Variants in KCNMB2 observed in about 807,000 individuals in gnomAD.
KCNMB2 encodes the protein calcium-activated potassium channel subunit beta-2.
In KCNMB2, 9 loss-of-function variants were observed where a neutral mutation model predicts 24.5. That is an observed-to-expected ratio of 0.37 (90% CI 0.22 to 0.64). KCNMB2 has a LOEUF of 0.64. Ranked by LOEUF, KCNMB2 falls within the 30% of genes least tolerant of loss-of-function variation. KCNMB2 has a pLI of 0.63. For synonymous variants in KCNMB2, 109 were observed against 104.4 expected, an observed-to-expected ratio of 1.04 and a Z score of -0.27; for missense variants, 226 against 284.3, an observed-to-expected ratio of 0.79 and a Z score of 1.47.
At chr3:178,605,856 T>C (rs1304412517) in intron 1 of KCNMB2, among the ~76,000 whole-genome samples, 1 of 152,166 alleles carries the variant, frequency 6.6e-6, no homozygotes, top group Non-Finnish European at 1.5e-5. Context: ...CTTCTTACAG[T>C]AAAATCTAAG....
At chr3:178,560,003 T>A (rs1025705127) in intron 1 of KCNMB2, among the ~76,000 whole-genome samples, 3 of 147,864 alleles carry the variant, frequency 2.0e-5, no homozygotes, top group Non-Finnish European at 3.0e-5. Flanking sequence ...TATACTCTTT[T>A]ATGAATACAC....
At chr3:178,760,091 T>G (rs868157166) in intron 1 of KCNMB2, among the ~76,000 whole-genome samples, 1 of 37,626 alleles carries the variant, frequency 2.7e-5, no homozygotes, top group African/African-American at 1.6e-4. Flanking sequence ...AGAGGATATA[T>G]CTATATATAT....
rs377343425 is a variant in KCNMB2 at position 178,828,387 on chromosome 3, G to A, written c.423+14G>A. 5.3e-5 allele frequency: 84 copies of A among 1,598,026 alleles called. 1 individual carries two copies. The Middle Eastern group carries it at 9.9e-4, about 19-fold the overall frequency. On this transcript the variant is annotated intron_variant, in intron 4 of 4. Transcript: ENST00000452583. ...ATCAATCAGAAGGTAGGAACTTGGC[G>A]TACTGCATTTCAGTTACCCCACAGA...
intron 1 of KCNMB2, among the ~76,000 whole-genome samples, chr3:178,664,800 A>G (rs1250484985): frequency 6.6e-6 from 1 of 152,154 alleles, no homozygotes; most frequent in East Asian, 1.9e-4. Flanking sequence ...AAAATAAAAA[A>G]GTAGCATTAG....
chr3:178,741,587 C>T (rs12487023), intron 1 of KCNMB2, among the ~76,000 whole-genome samples: 27,072 of 152,098 alleles, frequency 0.18, 2,934 homozygotes, highest in African/African-American at 0.29. Context: ...CCCCACAATC[C>T]TTTTCCTGTA....
chr3:178,600,370 G>A (rs536252177), intron 1 of KCNMB2, among the ~76,000 whole-genome samples: 86 of 152,202 alleles, frequency 5.7e-4, no homozygotes, highest in African/African-American at 1.8e-3. Flanking sequence ...ATGCTGCTAC[G>A]AACATGCGTG....
intron 1 of KCNMB2, among the ~76,000 whole-genome samples, chr3:178,639,516 A>G (rs1408811585): frequency 6.6e-6 from 1 of 152,214 alleles, no homozygotes; most frequent in African/African-American, 2.4e-5. Context: ...TTCATTATCT[A>G]CAAGATGGTT....
intron 2 of KCNMB2, among the ~76,000 whole-genome samples, chr3:178,815,981 G>T (rs1714391068): frequency 6.6e-6 from 1 of 151,364 alleles, no homozygotes; most frequent in South Asian, 2.1e-4. Context: ...TAATTTTTTT[G>T]TGTATTGTTC....
intron 1 of KCNMB2, among the ~76,000 whole-genome samples, chr3:178,728,219 C>T (rs1272632854): frequency 1.3e-5 from 2 of 152,064 alleles, no homozygotes; most frequent in Admixed American, 6.6e-5. Context: ...AGAGAGTGGG[C>T]AGGAATCAGA....
At chr3:178,707,289 GCT>G (rs1294052136) in intron 1 of KCNMB2, among the ~76,000 whole-genome samples, 1 of 152,100 alleles carries the variant, frequency 6.6e-6, no homozygotes, top group Non-Finnish European at 1.5e-5. Context: ...GAGAAAAGTA[GCT>G]CTCAGAGTTG....
chr3:178,691,112 T>C (rs1721658812), intron 1 of KCNMB2, among the ~76,000 whole-genome samples: 2 of 135,104 alleles, frequency 1.5e-5, no homozygotes, highest in Admixed American at 1.5e-4. Context: ...TAAGTCTTTT[T>C]TTTTTTTTTT....
intron 1 of KCNMB2, among the ~76,000 whole-genome samples, chr3:178,703,374 A>G (rs1445136909): frequency 6.6e-6 from 1 of 152,128 alleles, no homozygotes; most frequent in Non-Finnish European, 1.5e-5. Context: ...TTAGAAAAAC[A>G]GAAGTGGCTA....
At position 178,684,599 on chromosome 3, in the gene KCNMB2, G is replaced by A. The variant is rs144711940; in HGVS notation, c.-67-122744G>A. ...TCCAAGCACTTTGGGAGTCCGAGGC[G>A]GGCAGATCACCTGAGGTCGGGAGTT... On this transcript the variant is annotated intron_variant, in intron 1 of 4. Coordinates refer to ENST00000452583, the MANE Select transcript of KCNMB2 (RefSeq NM_181361.3). Among the ~76,000 whole-genome samples the A allele has an allele frequency of 7.0e-3, 1,072 of 152,178 alleles. 13 individuals are homozygous for A. The highest frequency in any genetic ancestry group is 0.025 in the African/African-American group (1,039 of 41,506).
intron 1 of KCNMB2, among the ~76,000 whole-genome samples, chr3:178,590,223 T>C (rs140895973): frequency 2.6e-5 from 4 of 152,136 alleles, no homozygotes. Flanking sequence ...TAGTGACAAA[T>C]ATTCATTGAG....
rs998713717 is a variant in KCNMB2 at position 178,687,745 on chromosome 3, G to A, written c.-67-119598G>A. On this transcript the variant is annotated intron_variant, in intron 1 of 4. Coordinates refer to ENST00000452583, the MANE Select transcript of KCNMB2 (RefSeq NM_181361.3). ...AAATACTCTAATTTTGACACTTTTA[G>A]TACTTTCATTATTTTTTTTCTTGGA... Among the ~76,000 whole-genome samples, 4 of 152,090 alleles carry A rather than the reference G, an allele frequency of 2.6e-5. No individual in the cohort carries two copies. In the East Asian group the frequency reaches 7.7e-4, roughly 29 times the overall value.
chr3:178,655,095 C>CCTCTCTCCCT (rs1720276753), intron 1 of KCNMB2, among the ~76,000 whole-genome samples: 2 of 111,086 alleles, frequency 1.8e-5, no homozygotes, highest in African/African-American at 3.5e-5. Context: ...ATTAGCTCTC[C>CCTCTCTCCCT]CTCTCTCTCT....
At chr3:178,797,446 A>G (rs1713594999) in intron 1 of KCNMB2, among the ~76,000 whole-genome samples, 1 of 152,212 alleles carries the variant, frequency 6.6e-6, no homozygotes, top group Non-Finnish European at 1.5e-5. Context: ...CTACAGGCCA[A>G]TATCCCTGAT....
At chr3:178,591,714 C>A (rs1441412716) in intron 1 of KCNMB2, among the ~76,000 whole-genome samples, 2 of 152,102 alleles carry the variant, frequency 1.3e-5, no homozygotes, top group African/African-American at 4.8e-5. Context: ...GGTCCCTAGG[C>A]TCCTAAGTTT....
chr3:178,747,986 C>T (rs1723727007), intron 1 of KCNMB2, among the ~76,000 whole-genome samples: 1 of 152,226 alleles, frequency 6.6e-6, no homozygotes, highest in Non-Finnish European at 1.5e-5. Context: ...CTAATGTGCC[C>T]ATTCTGCAGA....
Sources: allele counts gnomAD v4.1 joint callset (sites outside exome capture counted in the v4.1 genomes callset), GRCh38; gene constraint gnomAD v4.1.1; transcripts MANE v1.5; gene names NCBI Gene and HGNC (gene_info 2026-07-23, HGNC 2026-07-21).